DLGAP1: variants seen among roughly 807,000 people sequenced by gnomAD.
DLGAP1 encodes the protein disks large-associated protein 1.
In DLGAP1, 11 loss-of-function variants were observed where a neutral mutation model predicts 90.8. The ratio of observed to expected loss-of-function variants is 0.12; its 90% CI spans 0.08 to 0.20. The LOEUF is 0.20. DLGAP1 is among the 10% of genes least tolerant of loss of function. The probability of loss-of-function intolerance (pLI) is 1.00; values close to 1 mark genes in which losing one functional copy is unlikely to be tolerated. For synonymous variants in DLGAP1, 558 were observed against 540.7 expected (o/e 1.03, Z -0.44); for missense variants, 1,050 against 1,333.8 (o/e 0.79, Z 3.31).
intron 1 of DLGAP1, among the ~76,000 whole-genome samples, chr18:4,218,644 T>G (rs759539752): frequency 6.6e-6 from 1 of 152,018 alleles, no homozygotes; most frequent in African/African-American, 2.4e-5. Flanking sequence ...CAGCTTCTGA[T>G]AGTCATCATT....
At chr18:3,806,531 G>T (rs1032264843) in intron 5 of DLGAP1, among the ~76,000 whole-genome samples, 2 of 152,188 alleles carry the variant, frequency 1.3e-5, no homozygotes, top group Non-Finnish European at 2.9e-5. Context: ...GGTACCAAAT[G>T]TTTGTTGCAT....
At chr18:4,265,681 C>T (rs2079114353) in intron 1 of DLGAP1, among the ~76,000 whole-genome samples, 3 of 112,944 alleles carry the variant, frequency 2.7e-5, no homozygotes, top group Non-Finnish European at 5.2e-5. Context: ...TCCTTCCTTC[C>T]TTCCTTCCTT....
chr18:4,102,344 G>A (rs1033460079), intron 2 of DLGAP1, among the ~76,000 whole-genome samples: 1 of 152,098 alleles, frequency 6.6e-6, no homozygotes, highest in Admixed American at 6.5e-5. Context: ...GATTCGAGGT[G>A]GGTTTATAAA....
chr18:4,068,016 T>A (rs990401238), intron 2 of DLGAP1, among the ~76,000 whole-genome samples: 1 of 152,074 alleles, frequency 6.6e-6, no homozygotes, highest in Non-Finnish European at 1.5e-5. Context: ...ACTGTTTCCA[T>A]TGACACACAT....
Position 4,104,867 on chromosome 18 carries a change from A to G in DLGAP1, c.-159+46313T>C, listed in dbSNP as rs574464293. Among the ~76,000 whole-genome samples, 3 of 152,340 alleles carry G rather than the reference A, an allele frequency of 2.0e-5. No homozygotes were observed. The South Asian group carries it at 6.2e-4, about 32-fold the overall frequency. On this transcript the variant is annotated intron_variant, in intron 2 of 12. Transcript: ENST00000315677. The stretch of plus-strand genomic sequence containing the variant: ...TCTTTATAGTTCTGTCAATTATTTA[A>G]AAGTCAAAATTCTATTAAGTTTGTC...
chr18:3,578,731 G>T lies in DLGAP1; in HGVS notation c.1965+3144C>A, dbSNP rs138085187. Among the ~76,000 whole-genome samples, 1,132 of 151,730 alleles carry T rather than the reference G, an allele frequency of 7.5e-3. 13 individuals carry two copies. The highest frequency in any genetic ancestry group is 0.026 in the African/African-American group (1,063 of 41,330). ...ATGTTAGACACTAGGTACAATCTTG[G>T]CTCTGTCAACAAAAAGCAGGTGACC... On this transcript the variant is annotated intron_variant, in intron 8 of 12. Coordinates refer to ENST00000315677, the MANE Select transcript of DLGAP1 (RefSeq NM_004746.4).
rs561714325 is a variant in DLGAP1 at position 3,564,919 on chromosome 18, G to A, written c.2057+2571C>T. ...GTTTGTTGAGATTTTTACTTGCTAA[G>A]ATGGAGTGGTGACTTCCGAGTTCCT... On this transcript the variant is annotated intron_variant, in intron 9 of 12. Transcript: ENST00000315677. 3.9e-5 allele frequency among the ~76,000 whole-genome samples: 6 copies of A among 152,286 alleles called. No homozygotes were observed. In the East Asian group the frequency reaches 1.2e-3, roughly 29 times the overall value.
At chr18:4,321,360 A>G (rs2080681285) in intron 1 of DLGAP1, among the ~76,000 whole-genome samples, 2 of 152,224 alleles carry the variant, frequency 1.3e-5, no homozygotes, top group East Asian at 1.9e-4. Flanking sequence ...AAAGTACTCA[A>G]TCATTGACAA....
intron 7 of DLGAP1, among the ~76,000 whole-genome samples, chr18:3,651,695 G>C (rs572997025): frequency 1.3e-5 from 2 of 151,684 alleles, no homozygotes; most frequent in South Asian, 4.2e-4. Context: ...TTGGGAGGCC[G>C]AGTGCAGTGG....
At chr18:3,600,981 G>T (rs1260152508) in intron 7 of DLGAP1, among the ~76,000 whole-genome samples, 1 of 71,166 alleles carries the variant, frequency 1.4e-5, no homozygotes, top group Non-Finnish European at 3.4e-5. Context: ...TAGATATATA[G>T]ATATAGATAT....
chr18:3,902,337 T>C (rs764385807), intron 3 of DLGAP1, among the ~76,000 whole-genome samples: 4 of 152,198 alleles, frequency 2.6e-5, no homozygotes, highest in Non-Finnish European at 5.9e-5. Context: ...ACAAATGTAT[T>C]CAAATAAAAC....
intron 1 of DLGAP1, among the ~76,000 whole-genome samples, chr18:4,157,670 C>A (rs1568425835): frequency 6.6e-6 from 1 of 152,272 alleles, no homozygotes; most frequent in South Asian, 2.1e-4. Flanking sequence ...GGAGCAGGGG[C>A]TGTCTGCACA....
intron 7 of DLGAP1, among the ~76,000 whole-genome samples, chr18:3,671,207 G>T (rs2060078842): frequency 6.9e-6 from 1 of 145,822 alleles, no homozygotes; most frequent in Non-Finnish European, 1.5e-5. Flanking sequence ...TTTCCACCTG[G>T]AATTCAAGTC....
chr18:3,710,649 T>G (rs186271956), intron 7 of DLGAP1, among the ~76,000 whole-genome samples: 61 of 152,356 alleles, frequency 4.0e-4, no homozygotes, highest in Non-Finnish European at 7.5e-4. Context: ...AGAAAAATTT[T>G]TTGGCTGGAA....
At position 3,879,278 on chromosome 18, in the gene DLGAP1, T is replaced by C. The variant is rs767354060; in HGVS notation, c.791A>G (p.Asn264Ser). The C allele has an allele frequency of 6.3e-7, 1 of 1,596,730 alleles. No individual in the cohort carries two copies. The highest frequency in any genetic ancestry group is 1.7e-5 in the Admixed American group (1 of 58,310). Residue 264 changes from asparagine (N) to serine (S), a missense_variant, in exon 4 of 13, where the codon AAC (asparagine) becomes AGC (serine). By Grantham distance (46) the Asn-to-Ser change is conservative. Around this residue, in one of 2 missense-constraint regions of DLGAP1, gnomAD observed 485 missense variants for 454.1 expected, o/e 1.07. Coordinates refer to ENST00000315677, the MANE Select transcript of DLGAP1 (RefSeq NM_004746.4). This position sits in a 1 kb window ranked among gnomAD's most constrained non-coding sequence, Gnocchi z 6.6. ...CGGGGTGTCCAGGCTGACCGGCAGG[T>C]TGGCGCAGGTGGAGCACTTGACGTC... ...NNDVKCSTCA[N>S]LPVSLDTPLL...
intron 1 of DLGAP1, among the ~76,000 whole-genome samples, chr18:4,414,310 TAAC>T (rs1179727208): frequency 6.6e-6 from 1 of 152,214 alleles, no homozygotes; most frequent in Admixed American, 6.5e-5. Context: ...GTTTTACACA[TAAC>T]AATCAATAAA....
intron 2 of DLGAP1, among the ~76,000 whole-genome samples, chr18:4,064,709 C>T (rs184608073): frequency 3.0e-4 from 45 of 151,668 alleles, no homozygotes; most frequent in African/African-American, 8.2e-4. Flanking sequence ...AATAGCCTAC[C>T]AATAAAAAAA....
At chr18:3,588,779 CAA>C (rs11449545) in intron 7 of DLGAP1, among the ~76,000 whole-genome samples, 34 of 135,054 alleles carry the variant, frequency 2.5e-4, no homozygotes, top group Non-Finnish European at 1.4e-4. Flanking sequence ...GACTCCATCT[CAA>C]AAAAAAAAAA....
chr18:3,800,445 T>C (rs2066234983), intron 5 of DLGAP1, among the ~76,000 whole-genome samples: 2 of 152,250 alleles, frequency 1.3e-5, no homozygotes, highest in African/African-American at 4.8e-5. Flanking sequence ...TGGAATACTT[T>C]GCCATTGTTA....
Sources: allele counts gnomAD v4.1 joint callset (sites outside exome capture counted in the v4.1 genomes callset), GRCh38; gene constraint gnomAD v4.1.1; regional missense constraint gnomAD v4.1.1; non-coding constraint Gnocchi (gnomAD v3.1); transcripts MANE v1.5; gene names NCBI Gene and HGNC (gene_info 2026-07-23, HGNC 2026-07-21).